TANC2: variants seen among roughly 807,000 people sequenced by gnomAD.
TANC2 encodes the protein tetratricopeptide repeat, ankyrin repeat and coiled-coil containing 2.
In TANC2, 26 loss-of-function variants were observed where a neutral mutation model predicts 210.5. The observed-to-expected ratio is 0.12, with a 90% CI of 0.09 to 0.17. The LOEUF is 0.17. TANC2 is among the 10% of genes least tolerant of loss of function. The pLI is 1.00. For missense variants in TANC2, 2,129 were observed against 2,608.9 expected, an observed-to-expected ratio of 0.82 and a Z score of 4.01; for synonymous variants, 931 against 967.1, an observed-to-expected ratio of 0.96 and a Z score of 0.69.
intron 1 of TANC2, among the ~76,000 whole-genome samples, chr17:62,991,277 G>C (rs1313126617): frequency 6.6e-6 from 1 of 152,032 alleles, no homozygotes; most frequent in African/African-American, 2.4e-5. Flanking sequence ...TTGTGCTGTT[G>C]CATGCCAAGT....
At chr17:63,416,757 C>T (rs1248674610) in intron 26 of TANC2, among the ~76,000 whole-genome samples, 4 of 152,196 alleles carry the variant, frequency 2.6e-5, no homozygotes, top group Non-Finnish European at 5.9e-5. Flanking sequence ...TCAGAGAACA[C>T]GGCCATGGCC....
At chr17:63,346,709 G>A (rs1171148253) in intron 12 of TANC2, among the ~76,000 whole-genome samples, 1 of 152,096 alleles carries the variant, frequency 6.6e-6, no homozygotes, top group Admixed American at 6.6e-5. Context: ...CTATTTGTCA[G>A]TTTCTTTTTT....
Position 62,986,555 on chromosome 17 carries a change from C to G in TANC2, c.-24+19806C>G, listed in dbSNP as rs2143505577. Among the ~76,000 whole-genome samples the G allele has an allele frequency of 2.0e-5, 3 of 151,568 alleles. No individual in the cohort carries two copies. The South Asian group carries it at 6.3e-4, about 32-fold the overall frequency. On this transcript the variant is annotated intron_variant, in intron 1 of 27. Transcript: ENST00000689528. ...TTTCTCAGGCCTGTGGCACAGGTGT[C>G]CAGCTGCTTGGCTGGCCAGAGGCTT...
chr17:63,173,505 C>G (rs1314513197), intron 5 of TANC2, among the ~76,000 whole-genome samples: 1 of 152,240 alleles, frequency 6.6e-6, no homozygotes, highest in Non-Finnish European at 1.5e-5. Context: ...CACCCCTAAT[C>G]AATCTCATGG....
chr17:63,342,801 C>T (rs2046282067), intron 12 of TANC2, among the ~76,000 whole-genome samples: 1 of 152,096 alleles, frequency 6.6e-6, no homozygotes, highest in Non-Finnish European at 1.5e-5. Context: ...GAAGGCTATC[C>T]AAATGCTTGC....
At position 63,378,423 on chromosome 17, in the gene TANC2, A is replaced by C. The variant is rs148650526; in HGVS notation, c.2583-1295A>C. ...AAAAAAAAAACAAAATTCCAATTCA[A>C]ATAGATTAAACAGAACAGAAATCTA... On this transcript the variant is annotated intron_variant, in intron 14 of 27. Transcript: ENST00000689528. Among the ~76,000 whole-genome samples the C allele has an allele frequency of 5.5e-3, 842 of 152,336 alleles. 7 individuals carry two copies. The highest frequency in any genetic ancestry group is 0.018 in the African/African-American group (750 of 41,570).
At chr17:63,336,006 G>A (rs2046014915) in intron 11 of TANC2, among the ~76,000 whole-genome samples, 1 of 152,060 alleles carries the variant, frequency 6.6e-6, no homozygotes. Context: ...GAAAATTACT[G>A]AGGCAGAACT....
At chr17:63,259,428 T>C (rs776630878) in intron 8 of TANC2, among the ~76,000 whole-genome samples, 1 of 152,170 alleles carries the variant, frequency 6.6e-6, no homozygotes, top group Non-Finnish European at 1.5e-5. Context: ...ATGAAGGTGC[T>C]TTCTTATGTG....
At chr17:63,125,679 A>G (rs2038682014) in intron 4 of TANC2, among the ~76,000 whole-genome samples, 1 of 152,214 alleles carries the variant, frequency 6.6e-6, no homozygotes, top group South Asian at 2.1e-4. Context: ...AGTCCAAAAC[A>G]CTTGATAAGT....
chr17:63,075,078 C>G (rs1347700284), intron 3 of TANC2, among the ~76,000 whole-genome samples: 4 of 152,114 alleles, frequency 2.6e-5, no homozygotes, highest in Middle Eastern at 6.3e-3. Context: ...TATGCTAATA[C>G]TTAATCATAC....
chr17:63,267,804 C>G lies in TANC2; in HGVS notation c.1090C>G (p.Pro364Ala), dbSNP rs764880643. The change falls in exon 9 of 28, where the codon CCT becomes GCT. Residue 364 changes from proline to alanine, a missense_variant. Pro to Ala is a conservative substitution (Grantham distance 27). Around this residue, in one of 5 missense-constraint regions of TANC2, gnomAD observed 739 missense variants for 848.0 expected, o/e 0.87. Transcript: ENST00000689528. ...TTACCTGGATGAGCAGAGACATACACCTTTGAGAACTTCTCTACGAATGCC... is the reference window on the plus strand; with the variant it reads ...TTACCTGGATGAGCAGAGACATACAGCTTTGAGAACTTCTCTACGAATGCC... 6.2e-7 allele frequency: 1 copy of G among 1,613,142 alleles called. No individual in the cohort carries two copies. The highest frequency in any genetic ancestry group is 2.2e-5 in the East Asian group (1 of 44,838).
At chr17:63,427,369 C>T (rs1219166430) in exon 28 of TANC2, 4 of 152,254 alleles carry the variant, frequency 2.6e-5, no homozygotes, top group African/African-American at 9.6e-5. Flanking sequence ...TTTTCTATGA[C>T]TCAGATGTAA....
chr17:63,098,124 GTTATC>G (rs1311914628), intron 3 of TANC2, among the ~76,000 whole-genome samples: 1 of 151,876 alleles, frequency 6.6e-6, no homozygotes, highest in Non-Finnish European at 1.5e-5. Context: ...CTTTGTTCAT[GTTATC>G]TTATCTCTGT....
intron 26 of TANC2, among the ~76,000 whole-genome samples, chr17:63,417,295 T>G (rs2048893573): frequency 6.6e-6 from 1 of 152,190 alleles, no homozygotes; most frequent in Admixed American, 6.5e-5. Context: ...TTAGGACTCA[T>G]GACCATAACC....
At chr17:63,299,016 T>C (rs1183830899) in intron 9 of TANC2, among the ~76,000 whole-genome samples, 1 of 152,170 alleles carries the variant, frequency 6.6e-6, no homozygotes, top group African/African-American at 2.4e-5. Flanking sequence ...AGTGAGAACA[T>C]GCAGTGTTTG....
chr17:63,051,176 T>C (rs968099887), intron 2 of TANC2, among the ~76,000 whole-genome samples: 1 of 152,234 alleles, frequency 6.6e-6, no homozygotes, highest in African/African-American at 2.4e-5. Context: ...TATTTATGCC[T>C]TTTGTGATTA....
chr17:63,279,020 G>C (rs2043979491), intron 9 of TANC2, among the ~76,000 whole-genome samples: 1 of 152,112 alleles, frequency 6.6e-6, no homozygotes, highest in Non-Finnish European at 1.5e-5. Flanking sequence ...GAGGTCTGCT[G>C]TACAACATTG....
At chr17:63,154,657 A>G (rs1418596825) in intron 5 of TANC2, 1 of 152,134 alleles carries the variant, frequency 6.6e-6, no homozygotes, top group African/African-American at 2.4e-5. Flanking sequence ...CTTGGCTCAT[A>G]GTCAGTGCTC....
At chr17:62,977,066 G>C (rs543159350) in intron 1 of TANC2, among the ~76,000 whole-genome samples, 1 of 152,324 alleles carries the variant, frequency 6.6e-6, no homozygotes, top group African/African-American at 2.4e-5. Flanking sequence ...CTGTTGGCGA[G>C]TGTACCCTTT....
Sources: allele counts gnomAD v4.1 joint callset (sites outside exome capture counted in the v4.1 genomes callset), GRCh38; gene constraint gnomAD v4.1.1; regional missense constraint gnomAD v4.1.1; transcripts MANE v1.5; gene names NCBI Gene and HGNC (gene_info 2026-07-23, HGNC 2026-07-21).